Variants in RPL37A observed in about 807,000 individuals in gnomAD.
The protein encoded by RPL37A is large ribosomal subunit protein eL43.
Under a neutral mutation model 13.6 loss-of-function variants are expected in RPL37A, and 5 were observed. That is an observed-to-expected ratio of 0.37 (90% CI 0.19 to 0.78). RPL37A has a LOEUF of 0.78. RPL37A is among the 30% of genes least tolerant of loss of function. The probability of loss-of-function intolerance (pLI) is 0.49; values close to 1 mark genes in which losing one functional copy is unlikely to be tolerated. For missense variants in RPL37A, 77 were observed against 120.0 expected (o/e 0.64, Z 1.67); for synonymous variants, 50 against 44.4 (o/e 1.13, Z -0.50).
chr2:216,500,210 A>C, intron 3 of RPL37A, 179 bp downstream of exon 3: 1 of 610,942 alleles, frequency 1.6e-6, no homozygotes, highest in Non-Finnish European at 2.9e-6. Flanking sequence ...GTAAACACAA[A>C]ACTACCAAAA....
chr2:216,500,864 C>A (rs1181900542), intron 3 of RPL37A: 1 of 152,284 alleles, frequency 6.6e-6, no homozygotes, highest in African/African-American at 2.4e-5. Flanking sequence ...CTCTTATTTC[C>A]TTAATCATTG....
chr2:216,499,063 C>G, intron 1 of RPL37A, 186 bp downstream of exon 1: 8 of 1,149,792 alleles, frequency 7.0e-6, no homozygotes, highest in Non-Finnish European at 9.8e-6. Context: ...CTGGGCCTGG[C>G]GCGCTCCAGC....
At position 216,499,221 on chromosome 2, in the gene RPL37A, C is replaced by A. The variant is rs766764093; in HGVS notation, c.4-49C>A. On this transcript the variant is annotated intron_variant, in intron 1 of 3. Coordinates refer to ENST00000491306, the MANE Select transcript of RPL37A (RefSeq NM_000998.5). ...GAACGGTGTGTGGAGGCTCCAGGGC[C>A]TGCCTGGGTTCCAGGTCTATCACTG... 7.1e-5 allele frequency: 112 copies of A among 1,586,136 alleles called. No individual in the cohort carries two copies. The Admixed American group carries it at 2.0e-3, about 28-fold the overall frequency.
At position 216,501,544 on chromosome 2, in the gene RPL37A, C is replaced by T. The variant is rs982280314; in HGVS notation, c.*140C>T. ...ATACTGTTGTATTGGAAAAGCATGC[C>T]AAGATGGATTATTGTAATTCAGTGT... On this transcript the variant is annotated 3_prime_UTR_variant, in exon 4 of 4. Transcript: ENST00000491306. 1 of 561,590 alleles carries T rather than the reference C, an allele frequency of 1.8e-6. No homozygotes were observed. Among genetic ancestry groups the T allele is most frequent in the Non-Finnish European group, 3.2e-6 (1 of 317,044 alleles). 34.8% of individuals were successfully genotyped at this position (561,590 alleles called of 1,614,324 possible). A position where few individuals can be genotyped will look rare whatever the true frequency, so the allele number is the denominator to read the frequency against.
In RPL37A at chr2:216,503,249, C is replaced by G. The variant is rs974962559; in HGVS notation, c.*1845C>G. On this transcript the variant is annotated 3_prime_UTR_variant, in exon 4 of 4. Coordinates refer to ENST00000491306, the MANE Select transcript of RPL37A (RefSeq NM_000998.5). ...TAGTTGGGTGACTTGGGTTAAGTGA[C>G]TTAACCTCTCTGCTTCAGTTTCCTG... 2 of 152,184 alleles carry G rather than the reference C, an allele frequency of 1.3e-5. No homozygotes were observed. Among genetic ancestry groups the G allele is most frequent in the Non-Finnish European group, 2.9e-5 (2 of 68,042 alleles). The allele number at this position is 152,184 out of a possible 1,614,324, so 9.4% of individuals were successfully genotyped here. A position where few individuals can be genotyped will look rare whatever the true frequency, so the allele number is the denominator to read the frequency against.
chr2:216,500,515 A>G (rs72950603), intron 3 of RPL37A: 21,646 of 176,390 alleles, frequency 0.12, 1,442 homozygotes, highest in South Asian at 0.17. Flanking sequence ...TACTACAAAC[A>G]CTATACTACA....
At position 216,501,566 on chromosome 2, in the gene RPL37A, G is replaced by A. The variant is rs74463622; in HGVS notation, c.*162G>A. The stretch of plus-strand genomic sequence containing the variant: ...TGCCAAGATGGATTATTGTAATTCA[G>A]TGTCTTTTTTAGTAGTCAAATGGTA... On this transcript the variant is annotated 3_prime_UTR_variant, in exon 4 of 4. Transcript: ENST00000491306. 2.7e-4 allele frequency: 138 copies of A among 519,270 alleles called. No homozygotes were observed. Among genetic ancestry groups the A allele is most frequent in the African/African-American group, 2.4e-3 (125 of 51,710 alleles). The allele number at this position is 519,270 out of a possible 1,614,324, so 32.2% of individuals were successfully genotyped here. A position where few individuals can be genotyped will look rare whatever the true frequency, so the allele number is the denominator to read the frequency against.
At chr2:216,500,152 G>GT (rs1695575305) in intron 3 of RPL37A, 121 bp downstream of exon 3, 1 of 719,448 alleles carries the variant, frequency 1.4e-6, no homozygotes. Context: ...GGATGCCTTT[G>GT]TATTTTCAGG....
intron 3 of RPL37A, chr2:216,500,291 T>C (rs1695577240): frequency 3.8e-6 from 2 of 529,374 alleles, no homozygotes; most frequent in Admixed American, 6.5e-5. Flanking sequence ...TTGTGAACAT[T>C]GTCATGATAC....
At position 216,502,587 on chromosome 2, in the gene RPL37A, TG is replaced by T. The variant is rs1695618772; in HGVS notation, c.*1184del. 1 of 152,268 alleles carries T rather than the reference TG, an allele frequency of 6.6e-6. No individual in the cohort carries two copies. Among genetic ancestry groups the T allele is most frequent in the Non-Finnish European group, 1.5e-5 (1 of 68,046 alleles). 9.4% of individuals were successfully genotyped at this position (152,268 alleles called of 1,614,324 possible). ...ATTCGAGTTATTTTAGGCCTGCCTT[TG>T]ACACTTTTATGCACTTAATTCACTG... On this transcript the variant is annotated 3_prime_UTR_variant, in exon 4 of 4. Coordinates refer to ENST00000491306, the MANE Select transcript of RPL37A (RefSeq NM_000998.5).
At chr2:216,500,082 A>C (rs758565910) in intron 3 of RPL37A, 51 bp downstream of exon 3, 1 of 1,438,730 alleles carries the variant, frequency 7.0e-7, no homozygotes, top group East Asian at 2.3e-5. Flanking sequence ...ACATAGGCCC[A>C]AATTCCAGGT....
intron 1 of RPL37A, 168 bp from the exon 2 acceptor site, chr2:216,499,102 C>G (rs993461485): frequency 8.7e-7 from 1 of 1,151,568 alleles, no homozygotes; most frequent in African/African-American, 1.6e-5. Flanking sequence ...TCGGAGCGCG[C>G]GGCCAGCCCT....
In RPL37A at chr2:216,502,994, T is replaced by C. The variant is rs1384419015; in HGVS notation, c.*1590T>C. 1 of 152,146 alleles carries C rather than the reference T, an allele frequency of 6.6e-6. No individual in the cohort carries two copies. The highest frequency in any genetic ancestry group is 1.5e-5 in the Non-Finnish European group (1 of 68,024). The allele number at this position is 152,146 out of a possible 1,614,324, so 9.4% of individuals were successfully genotyped here. A position where few individuals can be genotyped will look rare whatever the true frequency, so the allele number is the denominator to read the frequency against. On this transcript the variant is annotated 3_prime_UTR_variant, in exon 4 of 4. Coordinates refer to ENST00000491306, the MANE Select transcript of RPL37A (RefSeq NM_000998.5). The stretch of plus-strand genomic sequence containing the variant: ...TCACAAAATGGTACTCCTACTGATT[T>C]TGTAATGTGAAGCAAGTACTGTGGG...
rs994485924 is a variant in RPL37A at position 216,499,939 on chromosome 2, T to A, written c.133-10T>A. 1 of 1,612,250 alleles carries A rather than the reference T, an allele frequency of 6.2e-7. No individual in the cohort carries two copies. The highest frequency in any genetic ancestry group is 1.3e-5 in the African/African-American group (1 of 74,892). ...CTTGGTTCATAGTGAAAATTGGTTC[T>A]CTTTTATAGACCAAGATGAAGAGAC... On this transcript the variant is annotated splice_polypyrimidine_tract_variant and intron_variant, in intron 2 of 3. Transcript: ENST00000491306.
Position 216,500,003 on chromosome 2 carries a change from A to T in RPL37A, c.187A>T (p.Thr63Ser), listed in dbSNP as rs749293120. The stretch of plus-strand genomic sequence containing the variant: ...CTGGCACTGTGGTTCCTGCATGAAG[A>T]CAGTGGCTGGCGGTGCCTGGACGTA... Reference protein sequence around the residue: ...GIWHCGSCMKTVAGGAWTYNT... With the variant: ...GIWHCGSCMKSVAGGAWTYNT... The change falls in exon 3 of 4, where the codon ACA becomes TCA. Residue 63 changes from threonine to serine, a missense_variant. Transcript: ENST00000491306. 63 of 1,613,826 alleles carry T rather than the reference A, an allele frequency of 3.9e-5. No individual in the cohort carries two copies. The highest frequency in any genetic ancestry group is 5.3e-5 in the Non-Finnish European group (63 of 1,180,012).
intron 2 of RPL37A, 158 bp downstream of exon 2, chr2:216,499,556 A>C (rs1288251202): frequency 5.5e-6 from 5 of 906,240 alleles, no homozygotes; most frequent in Non-Finnish European, 8.2e-6. Context: ...GTTGATGGTA[A>C]CTTCAGATTT....
Position 216,500,120 on chromosome 2 carries a change from TTTC to T in RPL37A, c.215+91_215+93del, listed in dbSNP as rs142761184. The T allele has an allele frequency of 4.7e-4, 445 of 945,122 alleles. 1 individual carries two copies. In the African/African-American group the frequency reaches 6.3e-3, roughly 13 times the overall value. 58.5% of individuals were successfully genotyped at this position (945,122 alleles called of 1,614,324 possible). A position where few individuals can be genotyped will look rare whatever the true frequency, so the allele number is the denominator to read the frequency against. On this transcript the variant is annotated intron_variant, in intron 3 of 3. Coordinates refer to ENST00000491306, the MANE Select transcript of RPL37A (RefSeq NM_000998.5). ...CTGCTGGATGGGCTAGTTTTAACAC[TTTC>T]TCAGGACTGAGAGAATAAGGATGCC... is the stretch of plus-strand genomic sequence containing the variant.
chr2:216,500,006 G>A lies in RPL37A; in HGVS notation c.190G>A (p.Val64Met). Residue 64 changes from valine to methionine, a missense_variant, in exon 3 of 4, where the codon GTG (valine) becomes ATG (methionine). Around this residue, in one of 3 missense-constraint regions of RPL37A, gnomAD observed 59 missense variants for 65.5 expected, o/e 0.90. Transcript: ENST00000491306. ...IWHCGSCMKT[V>M]AGGAWTYNTT... ...GCACTGTGGTTCCTGCATGAAGACA[G>A]TGGCTGGCGGTGCCTGGACGTACAA... is the stretch of plus-strand genomic sequence containing the variant. The A allele has an allele frequency of 1.2e-6, 2 of 1,613,782 alleles. No individual in the cohort carries two copies. The highest frequency in any genetic ancestry group is 1.7e-6 in the Non-Finnish European group (2 of 1,179,958).
intron 1 of RPL37A, 129 bp from the exon 2 acceptor site, chr2:216,499,141 G>A: frequency 7.8e-7 from 1 of 1,288,706 alleles, no homozygotes; most frequent in Non-Finnish European, 1.1e-6. Context: ...GTTGAATTTA[G>A]GGAAAACTAG....
Sources: gnomAD v4.1 joint callset for allele counts on GRCh38, gnomAD v4.1.1 for gene constraint, gnomAD v4.1.1 regional missense constraint, MANE v1.5 for transcripts, NCBI Gene and HGNC (gene_info 2026-07-23, HGNC 2026-07-21) for gene names.